LTBP1: variants seen among roughly 807,000 people sequenced by gnomAD.
LTBP1 encodes the protein latent transforming growth factor beta binding protein 1, also known as latent-transforming growth factor beta-binding protein 1.
LTBP1 carries 129 observed loss-of-function variants against 207.6 expected under a neutral mutation model. The ratio of observed to expected loss-of-function variants is 0.62; its 90% confidence interval spans 0.54 to 0.72. The LOEUF (loss-of-function observed/expected upper bound fraction) is 0.72, where lower values mean the gene tolerates loss of function less well. Among genes scored for constraint, LTBP1 ranks in the 30% least tolerant of loss-of-function variants. The pLI, the probability that LTBP1 is intolerant of heterozygous loss-of-function variation, is 0.00. For synonymous variants in LTBP1, 963 were observed against 833.7 expected (o/e 1.16, Z -2.67); for missense variants, 2,281 against 2,217.2 (o/e 1.03, Z -0.58).
chr2:33,266,471 G>A (rs1240118111), intron 15 of LTBP1, among the ~76,000 whole-genome samples: 2 of 152,138 alleles, frequency 1.3e-5, no homozygotes, highest in African/African-American at 4.8e-5. Flanking sequence ...TGAAGCCTGG[G>A]GGCCAGGCTG....
intron 3 of LTBP1, among the ~76,000 whole-genome samples, chr2:33,095,050 C>T (rs17325397): frequency 0.012 from 1,874 of 152,132 alleles, 21 homozygotes; most frequent in Non-Finnish European, 0.019. Context: ...AGTCTAATTA[C>T]TTAAAAATGA....
At chr2:32,969,227 ATTTGTGTGTGTGTG>A (rs1467101439) in intron 2 of LTBP1, among the ~76,000 whole-genome samples, 1,287 of 92,662 alleles carry the variant, frequency 0.014, 15 homozygotes, top group African/African-American at 0.045. Flanking sequence ...CACCTGGCCA[ATTTGTGTGTGTGTG>A]TGTGTGTGTG....
chr2:33,300,544 A>C lies in LTBP1; in HGVS notation c.3329A>C (p.Gln1110Pro). ...SFRCTCGQGYQLSAAKDQCED... is the reference protein window; with the variant it reads ...SFRCTCGQGYPLSAAKDQCED... ...AGGTGCACCTGTGGACAGGGGTACC[A>C]GCTGTCGGCAGCTAAAGACCAGTGT... The change falls in exon 21 of 34, where the codon CAG (glutamine) becomes CCG (proline). Residue 1110 changes from glutamine to proline, a missense_variant. By Grantham distance (76) the Gln-to-Pro change is moderately conservative. Coordinates refer to ENST00000404816, the MANE Select transcript of LTBP1 (RefSeq NM_206943.4). 6.2e-7 allele frequency: 1 copy of C among 1,613,668 alleles called. No homozygotes were observed. Among genetic ancestry groups the C allele is most frequent in the Non-Finnish European group, 8.5e-7 (1 of 1,179,690 alleles).
At chr2:33,145,562 A>G (rs1173664384) in intron 5 of LTBP1, among the ~76,000 whole-genome samples, 5 of 152,222 alleles carry the variant, frequency 3.3e-5, no homozygotes, top group African/African-American at 2.4e-5. Context: ...AGAATATGTC[A>G]CTTTTCGCCA....
At chr2:32,987,290 A>G (rs921078085) in intron 2 of LTBP1, among the ~76,000 whole-genome samples, 16 of 152,028 alleles carry the variant, frequency 1.1e-4, no homozygotes, top group African/African-American at 3.9e-4. Flanking sequence ...AGTGGGGATG[A>G]TATCTTAGGG....
In LTBP1 at chr2:33,186,482, T is replaced by C. The variant is rs149941501; in HGVS notation, c.1202-374T>C. 1.6e-3 allele frequency among the ~76,000 whole-genome samples: 247 copies of C among 151,180 alleles called. 2 individuals carry two copies. Among genetic ancestry groups the C allele is most frequent in the African/African-American group, 5.9e-3 (238 of 40,548 alleles). ...ACATACCCCTTGTTCTCGAGGAGTTTATCATCTAGGGAGTCAGTTAATGAA... is the reference window on the plus strand; with the variant it reads ...ACATACCCCTTGTTCTCGAGGAGTTCATCATCTAGGGAGTCAGTTAATGAA... On this transcript the variant is annotated intron_variant, in intron 5 of 33. Coordinates refer to ENST00000404816, the MANE Select transcript of LTBP1 (RefSeq NM_206943.4).
At position 33,187,189 on chromosome 2, in the gene LTBP1, G is replaced by A. The variant is rs1020507708; in HGVS notation, c.1426+109G>A. On this transcript the variant is annotated intron_variant, in intron 6 of 33. Transcript: ENST00000404816. ...AGGGCTGGTATTGAAACAGAAAGGA[G>A]TACATGATTTGTGGCCTGAGAAATG... 5.7e-6 allele frequency: 5 copies of A among 874,692 alleles called. No homozygotes were observed. In the African/African-American group the frequency reaches 6.7e-5, roughly 12 times the overall value. 54.2% of individuals were successfully genotyped at this position (874,692 alleles called of 1,614,324 possible). A position where few individuals can be genotyped will look rare whatever the true frequency, so the allele number is the denominator to read the frequency against.
chr2:33,185,050 A>C (rs2087051543), intron 5 of LTBP1, among the ~76,000 whole-genome samples: 1 of 152,204 alleles, frequency 6.6e-6, no homozygotes, highest in African/African-American at 2.4e-5. Context: ...GATATGTAGG[A>C]ATCAGGTAGT....
chr2:33,319,179 C>A (rs527343511), intron 24 of LTBP1, among the ~76,000 whole-genome samples: 1 of 152,142 alleles, frequency 6.6e-6, no homozygotes, highest in African/African-American at 2.4e-5. Context: ...AGGTGGATCA[C>A]CTGAGGTCAG....
In LTBP1 at chr2:33,330,481, GT is replaced by G. The variant is rs1319490847; in HGVS notation, c.3731-12347del. On this transcript the variant is annotated intron_variant, in intron 24 of 33. Transcript: ENST00000404816. Reference sequence around the variant, plus strand: ...ACATTTAATATGATGCTTGCCATAGGTTTTTTTTTTCTTAATAGATATTCTT... The same window carrying G: ...ACATTTAATATGATGCTTGCCATAGGTTTTTTTTTCTTAATAGATATTCTT... Among the ~76,000 whole-genome samples the G allele has an allele frequency of 2.3e-3, 336 of 146,342 alleles. 3 individuals carry two copies. Among genetic ancestry groups the G allele is most frequent in the African/African-American group, 5.3e-3 (210 of 39,954 alleles).
chr2:33,037,538 A>G (rs907762813), intron 3 of LTBP1, among the ~76,000 whole-genome samples: 1 of 152,158 alleles, frequency 6.6e-6, no homozygotes, highest in African/African-American at 2.4e-5. Flanking sequence ...CTCTTTCTAC[A>G]TATTAAATAT....
At chr2:33,367,770 T>C (rs1223417245) in intron 31 of LTBP1, among the ~76,000 whole-genome samples, 2 of 152,136 alleles carry the variant, frequency 1.3e-5, no homozygotes, top group Admixed American at 6.5e-5. Flanking sequence ...TGGAGGTTCA[T>C]TGCAGCATTG....
chr2:33,243,014 C>T (rs2092388021), intron 9 of LTBP1, among the ~76,000 whole-genome samples: 1 of 152,154 alleles, frequency 6.6e-6, no homozygotes, highest in Non-Finnish European at 1.5e-5. Context: ...CTCATCATTT[C>T]CTGAGCCTCC....
intron 17 of LTBP1, 150 bp downstream of exon 17, chr2:33,275,240 T>G: frequency 1.1e-6 from 1 of 933,064 alleles, no homozygotes. Flanking sequence ...CCAGGTGATA[T>G]AAAAATGGAT....
intron 3 of LTBP1, among the ~76,000 whole-genome samples, chr2:33,085,089 G>A (rs1044396467): frequency 6.6e-6 from 1 of 152,192 alleles, no homozygotes; most frequent in African/African-American, 2.4e-5. Flanking sequence ...AGGAGATCTT[G>A]TGAGGATAGA....
intron 7 of LTBP1, among the ~76,000 whole-genome samples, chr2:33,215,637 C>A (rs1377081858): frequency 6.6e-6 from 1 of 152,060 alleles, no homozygotes; most frequent in African/African-American, 2.4e-5. Context: ...TGAGGGCCAC[C>A]ACCTGCCTGG....
At position 33,389,209 on chromosome 2, in the gene LTBP1, C is replaced by T. The variant is rs775611921; in HGVS notation, c.4737C>T (p.Ile1579=). The T allele has an allele frequency of 2.5e-6, 4 of 1,614,160 alleles. No individual in the cohort carries two copies. The highest frequency in any genetic ancestry group is 3.4e-6 in the Non-Finnish European group (4 of 1,180,024). The part of the protein sequence containing the change: ...DSDDYAQLCN[I]PVTGRRQPYG... ...ATGACTATGCTCAGCTGTGTAACAT[C>T]CCCGTGACGGGACGCCGGCAGCCAT... Residue 1579 remains isoleucine (I), a synonymous_variant, in exon 32 of 34, where the codon ATC becomes ATT. Coordinates refer to ENST00000404816, the MANE Select transcript of LTBP1 (RefSeq NM_206943.4).
At chr2:32,998,123 C>G (rs1333280439) in intron 2 of LTBP1, among the ~76,000 whole-genome samples, 1 of 152,148 alleles carries the variant, frequency 6.6e-6, no homozygotes, top group Non-Finnish European at 1.5e-5. Context: ...AATTATAACT[C>G]TTGGACTCCT....
chr2:33,074,946 G>C (rs543044634), intron 3 of LTBP1, among the ~76,000 whole-genome samples: 1 of 152,058 alleles, frequency 6.6e-6, no homozygotes, highest in Admixed American at 6.5e-5. Flanking sequence ...AGCTACTTGG[G>C]AGGCTGAGGC....
Sources: allele counts gnomAD v4.1 joint callset (sites outside exome capture counted in the v4.1 genomes callset), GRCh38; gene constraint gnomAD v4.1.1; transcripts MANE v1.5; gene names NCBI Gene and HGNC (gene_info 2026-07-23, HGNC 2026-07-21).